The following SLC24A4 variants were observed in gnomAD, a reference collection of about 807,000 sequenced individuals.
SLC24A4 encodes sodium/potassium/calcium exchanger 4.
SLC24A4 carries 53 observed loss-of-function variants against 79.0 expected under a neutral mutation model. The observed-to-expected ratio is 0.67, with a 90% CI of 0.54 to 0.84. The LOEUF is 0.84. Ranked by LOEUF, SLC24A4 falls within the 40% of genes least tolerant of loss-of-function variation. The pLI is 0.00. For missense variants in SLC24A4, 731 were observed against 822.0 expected, an observed-to-expected ratio of 0.89 and a Z score of 1.35; for synonymous variants, 323 against 323.8, an observed-to-expected ratio of 1.00 and a Z score of 0.03.
At chr14:92,463,331 C>A (rs993367356) in intron 12 of SLC24A4, among the ~76,000 whole-genome samples, 6 of 152,144 alleles carry the variant, frequency 3.9e-5, no homozygotes, top group African/African-American at 1.4e-4. Flanking sequence ...CCTTCCTGTC[C>A]TTTCCTCTTA....
intron 9 of SLC24A4, among the ~76,000 whole-genome samples, chr14:92,447,812 G>A (rs1892889962): frequency 6.6e-6 from 1 of 152,192 alleles, no homozygotes; most frequent in Admixed American, 6.5e-5. Flanking sequence ...AAAAAGCCAG[G>A]CAGGTCTGCC....
intron 2 of SLC24A4, among the ~76,000 whole-genome samples, chr14:92,357,492 A>C (rs1887245419): frequency 6.6e-6 from 1 of 152,234 alleles, no homozygotes; most frequent in Non-Finnish European, 1.5e-5. Flanking sequence ...ATATACATGC[A>C]ATGGAATGTT....
chr14:92,333,461 A>G (rs1030592195), intron 2 of SLC24A4, among the ~76,000 whole-genome samples: 6 of 152,136 alleles, frequency 3.9e-5, no homozygotes, highest in African/African-American at 7.2e-5. Context: ...TGGGTTTCCA[A>G]TGTCCTGTGC....
intron 2 of SLC24A4, among the ~76,000 whole-genome samples, chr14:92,328,393 G>T (rs954519063): frequency 1.3e-5 from 2 of 152,240 alleles, no homozygotes; most frequent in African/African-American, 4.8e-5. Context: ...GACTCCAGCG[G>T]CTCCCCAGTG....
intron 2 of SLC24A4, among the ~76,000 whole-genome samples, chr14:92,412,179 C>T (rs1890755156): frequency 6.6e-6 from 1 of 152,314 alleles, no homozygotes; most frequent in Non-Finnish European, 1.5e-5. Context: ...AAAGGTCTAG[C>T]AAAATTCCTG....
intron 12 of SLC24A4, among the ~76,000 whole-genome samples, chr14:92,481,102 A>G (rs2139920023): frequency 6.6e-6 from 1 of 152,222 alleles, no homozygotes; most frequent in Admixed American, 6.5e-5. Flanking sequence ...GTAGTTCACA[A>G]CTCTATAGTA....
rs573667634 is a variant in SLC24A4 at position 92,323,856 on chromosome 14, C to T, written c.26C>T (p.Pro9Leu). The part of the protein sequence containing the change: MALRGTLR[P>L]LKVRRRREML... ...ATGGCGCTCCGCGGGACCCTCCGGCCGCTCAAAGTTCGCAGGAGGCGAGAG... is the reference window on the plus strand; with the variant it reads ...ATGGCGCTCCGCGGGACCCTCCGGCTGCTCAAAGTTCGCAGGAGGCGAGAG... Residue 9 changes from proline (P) to leucine (L), a missense_variant, in exon 1 of 17, where the codon CCG becomes CTG. Physicochemically the swap from Pro to Leu is moderately conservative, Grantham distance 98. Transcript: ENST00000532405. This position sits in a 1 kb window ranked among gnomAD's most constrained non-coding sequence, Gnocchi z 4.9. The T allele has an allele frequency of 1.0e-5, 16 of 1,594,742 alleles. No homozygotes were observed. The highest frequency in any genetic ancestry group is 2.7e-5 in the African/African-American group (2 of 74,962).
rs551206469 is a variant in SLC24A4 at position 92,492,959 on chromosome 14, A to AACACAC, written c.1717-463_1717-458dup. 7.2e-3 allele frequency: 2,160 copies of AACACAC among 299,270 alleles called. 47 individuals carry two copies. Among genetic ancestry groups the AACACAC allele is most frequent in the African/African-American group, 0.029 (1,000 of 34,060 alleles). 18.5% of individuals were successfully genotyped at this position (299,270 alleles called of 1,614,324 possible). On this transcript the variant is annotated intron_variant, in intron 16 of 16. Coordinates refer to ENST00000532405, the MANE Select transcript of SLC24A4 (RefSeq NM_153646.4). ...TTCCGTGCTTTAACCCTCTACCCCAAACACACACACACACACACACACACA... is the reference window on the plus strand; with the variant it reads ...TTCCGTGCTTTAACCCTCTACCCCAAACACACACACACACACACACACACACACACA...
chr14:92,419,599 C>T (rs1259017391), intron 2 of SLC24A4, among the ~76,000 whole-genome samples: 1 of 152,180 alleles, frequency 6.6e-6, no homozygotes, highest in African/African-American at 2.4e-5. Context: ...TGAAATTTAT[C>T]ATCCAAACTG....
intron 2 of SLC24A4, among the ~76,000 whole-genome samples, chr14:92,378,338 A>G (rs368768309): frequency 2.6e-5 from 4 of 152,300 alleles, no homozygotes; most frequent in African/African-American, 9.6e-5. Context: ...CATGCCTGCC[A>G]TATTTCATAG....
intron 2 of SLC24A4, among the ~76,000 whole-genome samples, chr14:92,343,028 GC>G (rs1405044640): frequency 3.3e-5 from 5 of 152,226 alleles, no homozygotes; most frequent in African/African-American, 1.2e-4. Context: ...GCAAGCTGTT[GC>G]CCCATCACAC....
rs576994218 is a variant in SLC24A4 at position 92,350,663 on chromosome 14, A to C, written c.241+24685A>C. Among the ~76,000 whole-genome samples the C allele has an allele frequency of 9.2e-5, 14 of 152,356 alleles. No individual in the cohort carries two copies. In the East Asian group the frequency reaches 2.5e-3, roughly 27 times the overall value. ...CTAACATCCAGCATGTTAATGACCA[A>C]GTCACTAAGTTACCAGTAAACTCAA... is the stretch of plus-strand genomic sequence containing the variant. On this transcript the variant is annotated intron_variant, in intron 2 of 16. Coordinates refer to ENST00000532405, the MANE Select transcript of SLC24A4 (RefSeq NM_153646.4).
chr14:92,447,400 A>G lies in SLC24A4; in HGVS notation c.713A>G (p.Tyr238Cys). The change falls in exon 9 of 17, where the codon TAT becomes TGT. Residue 238 changes from tyrosine (Y) to cysteine (C), a missense_variant. Tyr to Cys is a radical substitution (Grantham distance 194). Coordinates refer to ENST00000532405, the MANE Select transcript of SLC24A4 (RefSeq NM_153646.4). Reference sequence around the variant, plus strand: ...GAAGGCCTGGTGCTCATCATCTTGTATGTGTTTTATATTCTGATCATGAAG... The same window carrying G: ...GAAGGCCTGGTGCTCATCATCTTGTGTGTGTTTTATATTCTGATCATGAAG... ...WWEGLVLIIL[Y>C]VFYILIMKYN... is the part of the protein sequence containing the mutation. The G allele has an allele frequency of 2.5e-6, 4 of 1,613,978 alleles. No individual in the cohort carries two copies. Among genetic ancestry groups the G allele is most frequent in the Non-Finnish European group, 2.5e-6 (3 of 1,179,992 alleles).
chr14:92,407,723 AAGGGGGAAATCTG>A lies in SLC24A4; in HGVS notation c.242-26188_242-26176del, dbSNP rs1437331022. 2.7e-5 allele frequency among the ~76,000 whole-genome samples: 4 copies of A among 150,590 alleles called. No homozygotes were observed. In the East Asian group the frequency reaches 5.8e-4, roughly 22 times the overall value. ...ACTCACTCACTATCATGAGAACAGC[AAGGGGGAAATCTG>A]CCCCTGTGATCCAGTCACCTCCCAC... On this transcript the variant is annotated intron_variant, in intron 2 of 16. Transcript: ENST00000532405.
chr14:92,484,940 A>G, intron 13 of SLC24A4: 1 of 949,960 alleles, frequency 1.1e-6, no homozygotes, highest in Non-Finnish European at 1.3e-6. Flanking sequence ...TCTTGTGTCG[A>G]GTTAGTGTTG....
At chr14:92,347,248 G>A (rs554107341) in intron 2 of SLC24A4, among the ~76,000 whole-genome samples, 3 of 152,294 alleles carry the variant, frequency 2.0e-5, no homozygotes, top group African/African-American at 7.2e-5. Flanking sequence ...CCCATTCAGT[G>A]TCCCACATTG....
At chr14:92,488,327 C>T (rs1018554946) in intron 14 of SLC24A4, among the ~76,000 whole-genome samples, 1 of 152,154 alleles carries the variant, frequency 6.6e-6, no homozygotes. Flanking sequence ...CTGTCTCAGC[C>T]TCCCAAAGTG....
intron 13 of SLC24A4, among the ~76,000 whole-genome samples, chr14:92,485,829 A>G (rs1374372757): frequency 2.0e-5 from 3 of 152,178 alleles, no homozygotes; most frequent in Non-Finnish European, 4.4e-5. Flanking sequence ...CACCACCTTG[A>G]GGTATAAACC....
Position 92,381,877 on chromosome 14 carries a change from T to C in SLC24A4, c.242-52035T>C, listed in dbSNP as rs534077456. On this transcript the variant is annotated intron_variant, in intron 2 of 16. Transcript: ENST00000532405. The stretch of plus-strand genomic sequence containing the variant: ...CACCAGGATTGTTTAAAGCTCCCCA[T>C]GTGATTGTAAGGCGGAGAGCCCTGT... Among the ~76,000 whole-genome samples the C allele has an allele frequency of 3.0e-4, 45 of 152,316 alleles. No homozygotes were observed. In the South Asian group the frequency reaches 9.3e-3, roughly 32 times the overall value.
Sources: gnomAD v4.1 joint callset for allele counts (sites outside exome capture counted in the v4.1 genomes callset) on GRCh38, gnomAD v4.1.1 for gene constraint, Gnocchi (gnomAD v3.1) non-coding constraint, MANE v1.5 for transcripts, NCBI Gene and HGNC (gene_info 2026-07-23, HGNC 2026-07-21) for gene names.